Variants in TENM3 observed in about 807,000 individuals in gnomAD.
TENM3 encodes the protein teneurin-3.
A neutral mutation model predicts 255.1 loss-of-function variants in TENM3; 63 were observed. The ratio of observed to expected loss-of-function variants is 0.25; its 90% confidence interval spans 0.20 to 0.30. TENM3 has a LOEUF of 0.30. Among genes scored for constraint, TENM3 ranks in the 10% least tolerant of loss-of-function variants. The probability of loss-of-function intolerance (pLI) is 1.00; values close to 1 mark genes in which losing one functional copy is unlikely to be tolerated. For missense variants in TENM3, 2,929 were observed against 3,461.1 expected (o/e 0.85, Z 3.86); for synonymous variants, 1,306 against 1,322.3 (o/e 0.99, Z 0.27).
At chr4:182,676,084 T>A (rs918790772) in intron 7 of TENM3, among the ~76,000 whole-genome samples, 1 of 152,240 alleles carries the variant, frequency 6.6e-6, no homozygotes, top group African/African-American at 2.4e-5. Context: ...GCAGCCCAAA[T>A]TGAACATTTC....
At chr4:181,617,823 G>T in the TENM3 span, among the ~76,000 whole-genome samples, 1 of 152,210 alleles carries the variant, frequency 6.6e-6, no homozygotes, top group Admixed American at 6.5e-5. Flanking sequence ...CTTCGCATTA[G>T]TAAAGCCAAC....
intron 4 of TENM3, among the ~76,000 whole-genome samples, chr4:182,619,917 G>A (rs1296855320): frequency 2.0e-5 from 3 of 152,188 alleles, no homozygotes; most frequent in Non-Finnish European, 4.4e-5. Flanking sequence ...AGAAGCCGCC[G>A]CGGCTGCTGC....
intron 5 of TENM3, among the ~76,000 whole-genome samples, chr4:182,642,824 A>T (rs1259518756): frequency 6.6e-6 from 1 of 152,224 alleles, no homozygotes; most frequent in African/African-American, 2.4e-5. Flanking sequence ...ACTAGAGTGC[A>T]TATTAATATG....
At chr4:182,143,934 G>A (rs895346125), upstream of TENM3, 2 of 152,660 alleles carry the variant, frequency 1.3e-5, no homozygotes, top group Admixed American at 6.5e-5. The surrounding 1 kb of genome is among the most constrained non-coding windows in gnomAD (Gnocchi z 4.3). Flanking sequence ...CGGGAGGAGG[G>A]AAGGAGGGAG....
intron 6 of TENM3, among the ~76,000 whole-genome samples, chr4:182,661,522 A>G (rs1357990134): frequency 6.6e-6 from 1 of 152,214 alleles, no homozygotes; most frequent in Non-Finnish European, 1.5e-5. Flanking sequence ...AATGTGTAAT[A>G]GCTCCTTAAT....
the TENM3 span, among the ~76,000 whole-genome samples, chr4:181,799,375 A>G: frequency 1.3e-5 from 2 of 152,272 alleles, no homozygotes; most frequent in Admixed American, 6.5e-5. Flanking sequence ...GGAAACAGCT[A>G]TTGCTGTCAA....
intron 3 of TENM3, among the ~76,000 whole-genome samples, chr4:182,508,591 G>T (rs1737067229): frequency 6.6e-6 from 1 of 152,050 alleles, no homozygotes; most frequent in Non-Finnish European, 1.5e-5. Context: ...GATAGAATGG[G>T]GTCCCTTTCT....
At chr4:182,445,782 C>T (rs1186867262) in intron 3 of TENM3, among the ~76,000 whole-genome samples, 1 of 152,122 alleles carries the variant, frequency 6.6e-6, no homozygotes, top group Non-Finnish European at 1.5e-5. Context: ...TCATTCACAA[C>T]ATAAAATAGC....
chr4:182,572,775 G>T (rs539987875), intron 3 of TENM3, among the ~76,000 whole-genome samples: 1 of 152,154 alleles, frequency 6.6e-6, no homozygotes, highest in African/African-American at 2.4e-5. Context: ...TTGAATTCAC[G>T]TACCAACTCA....
intron 3 of TENM3, among the ~76,000 whole-genome samples, chr4:182,489,426 A>G (rs1735063589): frequency 1.3e-5 from 2 of 152,190 alleles, no homozygotes; most frequent in South Asian, 4.1e-4. Flanking sequence ...GAACAGTGAA[A>G]TAACCTTTGG....
intron 1 of TENM3, among the ~76,000 whole-genome samples, chr4:182,238,211 G>A (rs12508476): frequency 1.3e-5 from 2 of 151,990 alleles, no homozygotes; most frequent in African/African-American, 2.4e-5. Flanking sequence ...TGGGGTCGTC[G>A]GAAGCCTGGA....
chr4:182,460,613 A>T (rs1388310019), intron 3 of TENM3, among the ~76,000 whole-genome samples: 1 of 152,184 alleles, frequency 6.6e-6, no homozygotes, highest in Non-Finnish European at 1.5e-5. Flanking sequence ...TTATTTTTTT[A>T]AATAAAGCAG....
chr4:181,975,819 G>A, the TENM3 span: 1 of 152,186 alleles, frequency 6.6e-6, no homozygotes, highest in Non-Finnish European at 1.5e-5. Flanking sequence ...GAGGATACAT[G>A]TGTTTCCTTG....
intron 1 of TENM3, among the ~76,000 whole-genome samples, chr4:182,288,921 C>T (rs533984284): frequency 5.9e-4 from 90 of 152,250 alleles, no homozygotes; most frequent in Non-Finnish European, 9.9e-4. Flanking sequence ...AACTGGCCAC[C>T]GATTTTAAAG....
intron 19 of TENM3, among the ~76,000 whole-genome samples, chr4:182,746,762 C>T (rs1253507720): frequency 2.6e-5 from 4 of 151,896 alleles, no homozygotes; most frequent in African/African-American, 7.3e-5. Flanking sequence ...GAAAGCCAAA[C>T]GATAAAATAA....
intron 1 of TENM3, among the ~76,000 whole-genome samples, chr4:182,225,001 G>A (rs1756062858): frequency 6.6e-6 from 1 of 152,064 alleles, no homozygotes; most frequent in African/African-American, 2.4e-5. Context: ...CAAAGTGCTG[G>A]GACTACAGGC....
chr4:182,571,100 G>C (rs977663750), intron 3 of TENM3, among the ~76,000 whole-genome samples: 1 of 152,152 alleles, frequency 6.6e-6, no homozygotes, highest in Non-Finnish European at 1.5e-5. Context: ...TATGGGTAAA[G>C]TGCAGTCCTA....
chr4:181,458,599 T>C, the TENM3 span, among the ~76,000 whole-genome samples: 304 of 152,076 alleles, frequency 2.0e-3, 1 homozygote, highest in African/African-American at 6.6e-3. Context: ...TGGTCCAACC[T>C]TAATTTGAGA....
the TENM3 span, among the ~76,000 whole-genome samples, chr4:181,676,727 A>T: frequency 1.3e-5 from 2 of 152,304 alleles, no homozygotes; most frequent in South Asian, 4.1e-4. Context: ...ATTTGATTAC[A>T]GGTGTAAGCT....
Sources: gnomAD v4.1 joint callset for allele counts (sites outside exome capture counted in the v4.1 genomes callset) on GRCh38, gnomAD v4.1.1 for gene constraint, Gnocchi (gnomAD v3.1) non-coding constraint, MANE v1.5 for transcripts, NCBI Gene and HGNC (gene_info 2026-07-23, HGNC 2026-07-21) for gene names.